The following INO80 variants were observed in gnomAD, a reference collection of about 807,000 sequenced individuals.
The protein encoded by INO80 is chromatin-remodeling ATPase INO80.
A neutral mutation model predicts 203.4 loss-of-function variants in INO80; 20 were observed. The ratio of observed to expected loss-of-function variants is 0.10; its 90% CI spans 0.07 to 0.14. INO80 has a LOEUF of 0.14. INO80 is among the 10% of genes least tolerant of loss of function. INO80 has a pLI of 1.00. For synonymous variants in INO80, 726 were observed against 685.2 expected (o/e 1.06, Z -0.93); for missense variants, 1,419 against 1,914.4 (o/e 0.74, Z 4.83).
intron 26 of INO80, among the ~76,000 whole-genome samples, chr15:41,020,021 A>T (rs1201332839): frequency 6.6e-6 from 1 of 152,156 alleles, no homozygotes; most frequent in Non-Finnish European, 1.5e-5. Flanking sequence ...GGAGATCGAG[A>T]CCATCCTGGC....
intron 27 of INO80, 113 bp downstream of exon 27, chr15:41,015,975 A>T: frequency 1.2e-6 from 1 of 834,124 alleles, no homozygotes; most frequent in Non-Finnish European, 1.9e-6. Flanking sequence ...AAGAAAAAAG[A>T]CAAAAGGGAG....
intron 1 of INO80, among the ~76,000 whole-genome samples, chr15:41,102,240 C>T (rs1407534030): frequency 6.6e-6 from 1 of 152,120 alleles, no homozygotes; most frequent in Non-Finnish European, 1.5e-5. Context: ...TGGGTTCATG[C>T]CCATGCATTT....
intron 28 of INO80, chr15:41,005,349 C>A (rs1230780513): frequency 1.3e-5 from 5 of 386,946 alleles, no homozygotes; most frequent in Non-Finnish European, 9.2e-6. Flanking sequence ...GAAATAGGCA[C>A]TGGTGTCATA....
At chr15:41,061,706 TAGAG>T (rs1196441106) in intron 14 of INO80, among the ~76,000 whole-genome samples, 2 of 151,684 alleles carry the variant, frequency 1.3e-5, no homozygotes, top group Non-Finnish European at 2.9e-5. Flanking sequence ...AAAAACAAGA[TAGAG>T]AATTTCAATG....
In INO80 at chr15:41,092,048, A is replaced by G. The variant is rs1215167265; in HGVS notation, c.516T>C (p.Asn172=). The G allele has an allele frequency of 1.2e-6, 2 of 1,609,728 alleles. No individual in the cohort carries two copies. The highest frequency in any genetic ancestry group is 4.5e-5 in the East Asian group (2 of 44,812). Residue 172 remains asparagine (N), a synonymous_variant, in exon 5 of 36, where the codon AAT becomes AAC. Transcript: ENST00000648947. ...RLHKYKKLHQ[N]KYSKDKELQQ... ...TTACCTCCTTGTCTTTACTATACTT[A>G]TTTTGGTGAAGTTTCTTATATTTGT...
intron 24 of INO80, among the ~76,000 whole-genome samples, chr15:41,038,602 G>C (rs1034165188): frequency 6.6e-6 from 1 of 152,088 alleles, no homozygotes; most frequent in East Asian, 1.9e-4. Flanking sequence ...CTTGAACTCT[G>C]GCTTTTTGAA....
chr15:41,060,385 T>TG (rs1318222321), intron 14 of INO80, among the ~76,000 whole-genome samples: 1 of 152,038 alleles, frequency 6.6e-6, no homozygotes, highest in Non-Finnish European at 1.5e-5. Context: ...GGTCAGGAGT[T>TG]GGAGACCAGC....
chr15:41,084,510 G>C (rs1455822157), intron 7 of INO80, among the ~76,000 whole-genome samples: 1 of 152,128 alleles, frequency 6.6e-6, no homozygotes, highest in Non-Finnish European at 1.5e-5. Context: ...AGTGAGCCGA[G>C]ATGATGACAC....
chr15:41,113,037 T>A (rs1293771612), intron 1 of INO80, among the ~76,000 whole-genome samples: 1 of 151,074 alleles, frequency 6.6e-6, no homozygotes, highest in Non-Finnish European at 1.5e-5. Flanking sequence ...CACCTCAGCA[T>A]CCCAAGTAGC....
chr15:41,002,718 A>G (rs2043975578), intron 28 of INO80, among the ~76,000 whole-genome samples: 2 of 152,260 alleles, frequency 1.3e-5, no homozygotes, highest in African/African-American at 4.8e-5. Context: ...CTTTATACAC[A>G]AAAATATTCA....
chr15:40,986,798 T>C (rs1243659248), intron 31 of INO80, among the ~76,000 whole-genome samples: 1 of 152,142 alleles, frequency 6.6e-6, no homozygotes, highest in African/African-American at 2.4e-5. Context: ...ACTAATTTTT[T>C]GTATTTTTAG....
intron 28 of INO80, 59 bp downstream of exon 28, chr15:41,005,534 C>CATTT (rs1408562569): frequency 5.3e-5 from 43 of 811,898 alleles, no homozygotes; most frequent in Admixed American, 7.9e-5. Context: ...AAAAACTTAC[C>CATTT]ATTTCAAGCA....
Position 41,054,026 on chromosome 15 carries a change from G to A in INO80, c.2189-12C>T, listed in dbSNP as rs1417917232. 6.2e-7 allele frequency: 1 copy of A among 1,607,904 alleles called. No homozygotes were observed. Among genetic ancestry groups the A allele is most frequent in the Non-Finnish European group, 8.5e-7 (1 of 1,174,956 alleles). On this transcript the variant is annotated splice_polypyrimidine_tract_variant and intron_variant, in intron 18 of 35. Coordinates refer to ENST00000648947, the MANE Select transcript of INO80 (RefSeq NM_017553.3). Reference sequence around the variant, plus strand: ...GCGAGAAAGTTGATCTGAAATGCCGGGAGGCCCCCAAATAATACATTATAG... The same window carrying A: ...GCGAGAAAGTTGATCTGAAATGCCGAGAGGCCCCCAAATAATACATTATAG...
At chr15:41,083,271 C>T (rs1427651401) in intron 7 of INO80, among the ~76,000 whole-genome samples, 3 of 142,044 alleles carry the variant, frequency 2.1e-5, no homozygotes, top group Non-Finnish European at 4.6e-5. Context: ...AGCCAGACTC[C>T]GTCTCAAAAA....
At chr15:41,059,076 C>G (rs1406763598) in intron 15 of INO80, among the ~76,000 whole-genome samples, 1 of 152,018 alleles carries the variant, frequency 6.6e-6, no homozygotes, top group Non-Finnish European at 1.5e-5. Flanking sequence ...CTTAGTCTCC[C>G]AAACAGCTGG....
At position 41,040,911 on chromosome 15, in the gene INO80, G is replaced by T. The variant is rs576224252; in HGVS notation, c.2907+3993C>A. 2.4e-4 allele frequency among the ~76,000 whole-genome samples: 36 copies of T among 152,098 alleles called. 1 individual carries two copies. In the South Asian group the frequency reaches 7.5e-3, roughly 32 times the overall value. ...GTCAGCCCAATAGAAAAATAAACAA[G>T]AATTCTGAACAAACATTTCATAAAG... On this transcript the variant is annotated intron_variant, in intron 24 of 35. Coordinates refer to ENST00000648947, the MANE Select transcript of INO80 (RefSeq NM_017553.3).
At chr15:41,104,456 T>C (rs1461192906) in intron 1 of INO80, among the ~76,000 whole-genome samples, 1 of 152,128 alleles carries the variant, frequency 6.6e-6, no homozygotes, top group African/African-American at 2.4e-5. Context: ...TACCCACATA[T>C]ATCAGACTTC....
intron 1 of INO80, among the ~76,000 whole-genome samples, chr15:41,107,687 C>G (rs2045900209): frequency 6.6e-6 from 1 of 152,034 alleles, no homozygotes; most frequent in Non-Finnish European, 1.5e-5. Context: ...GTAATCCCAG[C>G]TACTCAGGAG....
At chr15:41,015,774 TAAAA>T (rs999539137) in intron 27 of INO80, among the ~76,000 whole-genome samples, 16 of 93,096 alleles carry the variant, frequency 1.7e-4, no homozygotes, top group African/African-American at 6.9e-4. Flanking sequence ...CATCTCTACT[TAAAA>T]AAAAAAAAAA....
Sources: gnomAD v4.1 joint callset for allele counts (sites outside exome capture counted in the v4.1 genomes callset) on GRCh38, gnomAD v4.1.1 for gene constraint, MANE v1.5 for transcripts, NCBI Gene and HGNC (gene_info 2026-07-23, HGNC 2026-07-21) for gene names.